The following COL10A1 variants were observed in gnomAD, a reference collection of about 807,000 sequenced individuals.
COL10A1 encodes collagen alpha-1(X) chain.
A neutral mutation model predicts 18.2 loss-of-function variants in COL10A1; 10 were observed. That is an observed-to-expected ratio of 0.55 (90% CI 0.34 to 0.93). The LOEUF is 0.93. COL10A1 is among the 40% of genes least tolerant of loss of function. COL10A1 has a pLI of 0.02. For synonymous variants in COL10A1, 330 were observed against 316.6 expected, an observed-to-expected ratio of 1.04 and a Z score of -0.45; for missense variants, 897 against 853.5, an observed-to-expected ratio of 1.05 and a Z score of -0.64.
intron 1 of COL10A1, 113 bp from the exon 2 acceptor site, chr6:116,125,620 A>G (rs528698864): frequency 4.6e-5 from 40 of 860,372 alleles, no homozygotes; most frequent in Admixed American, 1.1e-4. Flanking sequence ...AACCTATCCT[A>G]TATATTTTTA....
At chr6:116,156,935 C>T (rs2114414743) in intron 1 of COL10A1, among the ~76,000 whole-genome samples, 1 of 152,236 alleles carries the variant, frequency 6.6e-6, no homozygotes, top group South Asian at 2.1e-4. Context: ...GGTGCATTGA[C>T]CAGCCACTCA....
At chr6:116,185,884 T>C in the COL10A1 span, among the ~76,000 whole-genome samples, 1 of 152,122 alleles carries the variant, frequency 6.6e-6, no homozygotes, top group African/African-American at 2.4e-5. Context: ...TATTGAGATG[T>C]AGCATACTAT....
chr6:116,185,160 T>A, the COL10A1 span, among the ~76,000 whole-genome samples: 6 of 152,210 alleles, frequency 3.9e-5, no homozygotes, highest in African/African-American at 1.4e-4. Flanking sequence ...TTTCCATGTA[T>A]TTGCATGATT....
Position 116,120,193 on chromosome 6 carries a change from G to C in COL10A1, c.1923C>G (p.Ile641Met). The change falls in exon 3 of 3, where the codon ATC becomes ATG. Residue 641 changes from isoleucine (I) to methionine (M), a missense_variant. By Grantham distance (10) the Ile-to-Met change is conservative (BLOSUM62 1). Transcript: ENST00000651968. ...CCTGGTCATTTTCTGTGAGATCGAT[G>C]ATGGCACTCCCTGAAGCCTGATCCA... ...GYLDQASGSA[I>M]IDLTENDQVW... The C allele has an allele frequency of 6.2e-7, 1 of 1,614,160 alleles. No individual in the cohort carries two copies. The highest frequency in any genetic ancestry group is 8.5e-7 in the Non-Finnish European group (1 of 1,180,018).
chr6:116,205,607 A>T, the COL10A1 span, among the ~76,000 whole-genome samples: 2 of 148,936 alleles, frequency 1.3e-5, no homozygotes, highest in South Asian at 4.2e-4. Context: ...ATTGGGGGGG[A>T]AAAAAGGCTG....
chr6:116,121,375 G>T lies in COL10A1; in HGVS notation c.741C>A (p.Gly247=). ...RGFPGEMGPI[G]PPGPQGPPGE... is the part of the protein sequence containing the mutation. ...CAGGAGGGCCTTGGGGACCTGGTGG[G>T]CCAATTGGTCCCATTTCTCCCGGAA... Residue 247 remains glycine (G), a synonymous_variant, in exon 3 of 3, where the codon GGC becomes GGA. Coordinates refer to ENST00000651968, the MANE Select transcript of COL10A1 (RefSeq NM_000493.4). 9 of 1,614,020 alleles carry T rather than the reference G, an allele frequency of 5.6e-6. No individual in the cohort carries two copies. Among genetic ancestry groups the T allele is most frequent in the Non-Finnish European group, 7.6e-6 (9 of 1,179,978 alleles).
rs556661451 is a variant in COL10A1, at chr6:116,125,269, A to C, written c.154+70T>G. 4.2e-5 allele frequency: 65 copies of C among 1,545,264 alleles called. No individual in the cohort carries two copies. In the East Asian group the frequency reaches 1.5e-3, roughly 35 times the overall value. ...CACCAAAGTTAAATGCATTTTGTTAAAGAGATTATTAAGATTATAGAAAGC... is the reference window on the plus strand; with the variant it reads ...CACCAAAGTTAAATGCATTTTGTTACAGAGATTATTAAGATTATAGAAAGC... On this transcript the variant is annotated intron_variant, in intron 2 of 2. Coordinates refer to ENST00000651968, the MANE Select transcript of COL10A1 (RefSeq NM_000493.4).
the COL10A1 span, among the ~76,000 whole-genome samples, chr6:116,216,296 A>T: frequency 6.6e-6 from 1 of 152,098 alleles, no homozygotes; most frequent in African/African-American, 2.4e-5. Flanking sequence ...TACACAGAAA[A>T]TAATAGTAAG....
At chr6:116,155,494 C>T (rs1304857376) in intron 1 of COL10A1, among the ~76,000 whole-genome samples, 1 of 151,934 alleles carries the variant, frequency 6.6e-6, no homozygotes, top group African/African-American at 2.4e-5. Flanking sequence ...TCATGTAATA[C>T]GTACTGAATC....
At position 116,153,845 on chromosome 6, in the gene COL10A1, T is replaced by C. The variant is rs548712803; in HGVS notation, c.-16+4769A>G. 9.1e-4 allele frequency among the ~76,000 whole-genome samples: 138 copies of C among 152,254 alleles called. 1 individual carries two copies. The highest frequency in any genetic ancestry group is 3.2e-3 in the African/African-American group (134 of 41,562). On this transcript the variant is annotated intron_variant, in intron 1 of 1. Coordinates refer to the COL10A1 transcript ENST00000418500. ...TTCCTTACCTTCTCTGTGGATTTTA[T>C]TGAAGATACATGTACAGAAATGCAA... is the stretch of plus-strand genomic sequence containing the variant.
At chr6:116,174,509 A>G in the COL10A1 span, among the ~76,000 whole-genome samples, 1 of 152,238 alleles carries the variant, frequency 6.6e-6, no homozygotes, top group Non-Finnish European at 1.5e-5. Flanking sequence ...CACTGAATAT[A>G]AAATTTAGAG....
the COL10A1 span, among the ~76,000 whole-genome samples, chr6:116,202,846 A>G: frequency 6.6e-6 from 1 of 152,082 alleles, no homozygotes; most frequent in Admixed American, 6.6e-5. Context: ...GACAGTTCTT[A>G]ATTACCTCAC....
At chr6:116,174,004 G>A in the COL10A1 span, among the ~76,000 whole-genome samples, 9 of 152,100 alleles carry the variant, frequency 5.9e-5, no homozygotes, top group African/African-American at 1.4e-4. Context: ...TGCTAGCCAC[G>A]TATTTTATAA....
the COL10A1 span, among the ~76,000 whole-genome samples, chr6:116,195,731 T>A: frequency 1.3e-5 from 2 of 152,182 alleles, no homozygotes; most frequent in African/African-American, 4.8e-5. Context: ...TCATTAAGAT[T>A]GAAGTGTAGG....
the COL10A1 span, among the ~76,000 whole-genome samples, chr6:116,174,094 A>G: frequency 6.6e-6 from 1 of 152,228 alleles, no homozygotes; most frequent in East Asian, 1.9e-4. Flanking sequence ...GAAGTGAAGA[A>G]CTAGTTTTAT....
intron 1 of COL10A1, among the ~76,000 whole-genome samples, chr6:116,135,315 TA>T (rs1779560501): frequency 6.6e-6 from 1 of 152,094 alleles, no homozygotes; most frequent in African/African-American, 2.4e-5. Context: ...ATTGCATCAA[TA>T]TCATTAAAAT....
chr6:116,184,193 G>A, the COL10A1 span, among the ~76,000 whole-genome samples: 2 of 152,060 alleles, frequency 1.3e-5, no homozygotes, highest in East Asian at 1.9e-4. Flanking sequence ...TTTATGTGGT[G>A]TATCACATTT....
At chr6:116,136,589 T>TA (rs1779609858) in intron 1 of COL10A1, among the ~76,000 whole-genome samples, 1 of 152,320 alleles carries the variant, frequency 6.6e-6, no homozygotes, top group South Asian at 2.1e-4. Flanking sequence ...ACATAACACT[T>TA]ACTATAAATT....
chr6:116,177,628 T>C, the COL10A1 span, among the ~76,000 whole-genome samples: 1 of 152,204 alleles, frequency 6.6e-6, no homozygotes, highest in Non-Finnish European at 1.5e-5. Context: ...AGTGCTCTTA[T>C]ACTTTTTACT....
Sources: gnomAD v4.1 joint callset for allele counts (sites outside exome capture counted in the v4.1 genomes callset) on GRCh38, gnomAD v4.1.1 for gene constraint, MANE v1.5 for transcripts, NCBI Gene and HGNC (gene_info 2026-07-23, HGNC 2026-07-21) for gene names.